Variants in ACYP2 observed in about 807,000 individuals in gnomAD.
The protein encoded by ACYP2 is acylphosphatase-2.
ACYP2 carries 12 observed loss-of-function variants against 11.2 expected under a neutral mutation model. The observed-to-expected ratio is 1.08, with a 90% CI of 0.69 to 1.74. The LOEUF is 1.74. ACYP2 is among the 40% of genes most tolerant of loss of function. The pLI, the probability that ACYP2 is intolerant of heterozygous loss-of-function variation, is 0.00. For synonymous variants in ACYP2, 43 were observed against 32.2 expected, an observed-to-expected ratio of 1.33 and a Z score of -1.13; for missense variants, 134 against 101.9, an observed-to-expected ratio of 1.31 and a Z score of -1.35.
chr2:54,156,483 A>C (rs1025511026), intron 6 of ACYP2, among the ~76,000 whole-genome samples: 1 of 152,078 alleles, frequency 6.6e-6, no homozygotes, highest in African/African-American at 2.4e-5. Flanking sequence ...CTTATTATTC[A>C]GCTCCCACTT....
Position 54,114,412 on chromosome 2 carries a change from G to A in ACYP2, c.278-21041G>A, listed in dbSNP as rs796778798. On this transcript the variant is annotated intron_variant, in intron 4 of 6. Transcript: ENST00000607452. ...AAAAAAAAAAAAAAAGGTCGGGTGTGGTGGCTCACACCTGTAATCCCAGCA... is the reference window on the plus strand; with the variant it reads ...AAAAAAAAAAAAAAAGGTCGGGTGTAGTGGCTCACACCTGTAATCCCAGCA... 3.8e-4 allele frequency among the ~76,000 whole-genome samples: 58 copies of A among 150,926 alleles called. 1 individual carries two copies. Among genetic ancestry groups the A allele is most frequent in the African/African-American group, 1.2e-3 (51 of 41,166 alleles).
At chr2:54,179,962 G>C (rs565800441) in intron 6 of ACYP2, among the ~76,000 whole-genome samples, 3 of 152,270 alleles carry the variant, frequency 2.0e-5, no homozygotes, top group African/African-American at 7.2e-5. Context: ...TTAAGCCCTA[G>C]AAATCAGTAG....
At chr2:54,199,587 C>T (rs1209599959) in intron 6 of ACYP2, among the ~76,000 whole-genome samples, 1 of 152,120 alleles carries the variant, frequency 6.6e-6, no homozygotes, top group African/African-American at 2.4e-5. Context: ...ATGGTATTAC[C>T]AAGACTTGTT....
intron 6 of ACYP2, among the ~76,000 whole-genome samples, chr2:54,286,479 G>T (rs2104130609): frequency 6.6e-6 from 1 of 152,054 alleles, no homozygotes; most frequent in Non-Finnish European, 1.5e-5. Flanking sequence ...CCTTCTTCAA[G>T]CCACTATTAC....
intron 6 of ACYP2, among the ~76,000 whole-genome samples, chr2:54,195,815 T>TTTTTTTTTG (rs10669711): frequency 3.4e-5 from 5 of 146,044 alleles, no homozygotes; most frequent in African/African-American, 1.3e-4. Context: ...TTTTTTTTTT[T>TTTTTTTTTG]GAGACAGAGT....
chr2:54,141,818 G>A, intron 6 of ACYP2: 2 of 500,898 alleles, frequency 4.0e-6, no homozygotes, highest in South Asian at 7.3e-5. Context: ...TCACACATAT[G>A]CTTTTAAGAT....
Position 54,304,883 on chromosome 2 carries a change from A to T in ACYP2, c.*81A>T. Reference sequence around the variant, plus strand: ...ATGTATACTAGAATAATAGTAGCAGAGTAGGGTGAAAAGGAACTTTCTGTT... The same window carrying T: ...ATGTATACTAGAATAATAGTAGCAGTGTAGGGTGAAAAGGAACTTTCTGTT... On this transcript the variant is annotated 3_prime_UTR_variant, in exon 7 of 7. Coordinates refer to ENST00000607452, the MANE Select transcript of ACYP2 (RefSeq NM_001320586.2). 48 of 619,352 alleles carry T rather than the reference A, an allele frequency of 7.8e-5. No individual in the cohort carries two copies. Among genetic ancestry groups the T allele is most frequent in the East Asian group, 2.4e-4 (7 of 29,346 alleles). The allele number at this position is 619,352 out of a possible 1,614,324, so 38.4% of individuals were successfully genotyped here.
At chr2:54,071,427 T>C (rs1677037149) in intron 4 of ACYP2, among the ~76,000 whole-genome samples, 1 of 151,930 alleles carries the variant, frequency 6.6e-6, no homozygotes, top group Non-Finnish European at 1.5e-5. Flanking sequence ...TAAACAAGTT[T>C]GGCAAGGTTG....
chr2:54,043,026 T>G (rs185315371), intron 2 of ACYP2, among the ~76,000 whole-genome samples: 234 of 152,294 alleles, frequency 1.5e-3, no homozygotes, highest in Non-Finnish European at 1.4e-3. Flanking sequence ...CAAAGCCTTG[T>G]TACTGTATGT....
chr2:54,219,835 A>ATGTGTGTATGTGTGTATATG, intron 6 of ACYP2, among the ~76,000 whole-genome samples: 1 of 129,810 alleles, frequency 7.7e-6, no homozygotes. Context: ...GTGTATATAT[A>ATGTGTGTATGTGTGTATATG]TGTGTATGTG....
chr2:54,031,676 T>A (rs1351927501), intron 2 of ACYP2, among the ~76,000 whole-genome samples: 1 of 152,184 alleles, frequency 6.6e-6, no homozygotes, highest in Non-Finnish European at 1.5e-5. Flanking sequence ...GTATTTCTAG[T>A]TCTAGATCCC....
intron 6 of ACYP2, among the ~76,000 whole-genome samples, chr2:54,248,437 T>C (rs1282196607): frequency 1.3e-5 from 2 of 152,146 alleles, no homozygotes; most frequent in Non-Finnish European, 2.9e-5. Context: ...TTGTGCTAGA[T>C]ATAATACCAT....
intron 6 of ACYP2, among the ~76,000 whole-genome samples, chr2:54,245,770 C>T (rs1330430204): frequency 6.6e-6 from 1 of 151,666 alleles, no homozygotes; most frequent in Non-Finnish European, 1.5e-5. Flanking sequence ...TATTAATCCC[C>T]TAGTGGATGA....
intron 6 of ACYP2, among the ~76,000 whole-genome samples, chr2:54,144,117 GCAC>G (rs1681771711): frequency 6.6e-6 from 1 of 152,060 alleles, no homozygotes; most frequent in Non-Finnish European, 1.5e-5. Flanking sequence ...ATACAGGTAT[GCAC>G]CACCATGTCC....
intron 2 of ACYP2, among the ~76,000 whole-genome samples, chr2:53,992,706 C>A (rs765648065): frequency 9.9e-5 from 15 of 151,598 alleles, no homozygotes; most frequent in Non-Finnish European, 1.3e-4. Context: ...TGGTGTGCAC[C>A]TGTAGTCCGA....
intron 4 of ACYP2, chr2:54,065,407 C>G: frequency 2.5e-6 from 1 of 398,386 alleles, no homozygotes; most frequent in Non-Finnish European, 4.4e-6. Context: ...CTTTTATATA[C>G]ATACATAAAC....
intron 2 of ACYP2, among the ~76,000 whole-genome samples, chr2:54,001,430 G>T (rs1672794412): frequency 6.6e-6 from 1 of 152,090 alleles, no homozygotes; most frequent in Admixed American, 6.6e-5. Context: ...TTTTGCTCTT[G>T]TCGCCCAGGT....
At chr2:54,191,479 G>C (rs1684237867) in intron 6 of ACYP2, among the ~76,000 whole-genome samples, 1 of 152,160 alleles carries the variant, frequency 6.6e-6, no homozygotes, top group Non-Finnish European at 1.5e-5. Flanking sequence ...CAGACTCTCT[G>C]GGGTTCACTT....
chr2:54,208,435 C>A (rs1685172108), intron 6 of ACYP2, among the ~76,000 whole-genome samples: 1 of 151,666 alleles, frequency 6.6e-6, no homozygotes, highest in Non-Finnish European at 1.5e-5. Flanking sequence ...GGTGTGGGAG[C>A]CGGGGGTGCA....
Sources: allele counts gnomAD v4.1 joint callset (sites outside exome capture counted in the v4.1 genomes callset), GRCh38; gene constraint gnomAD v4.1.1; transcripts MANE v1.5; gene names NCBI Gene and HGNC (gene_info 2026-07-23, HGNC 2026-07-21).